CTNNA3: variants seen among roughly 807,000 people sequenced by gnomAD.
The protein encoded by CTNNA3 is catenin alpha 3, also known as catenin alpha-3.
CTNNA3 carries 76 observed loss-of-function variants against 95.7 expected under a neutral mutation model. The observed-to-expected ratio is 0.79, with a 90% CI of 0.66 to 0.96. CTNNA3 has a LOEUF of 0.96. Among genes scored for constraint, CTNNA3 ranks in the 40% least tolerant of loss-of-function variants. The pLI is 0.00. For synonymous variants in CTNNA3, 431 were observed against 374.4 expected (o/e 1.15, Z -1.74); for missense variants, 1,191 against 1,089.8 (o/e 1.09, Z -1.31).
chr10:67,504,942 C>A (rs1839386515), intron 5 of CTNNA3, among the ~76,000 whole-genome samples: 1 of 152,086 alleles, frequency 6.6e-6, no homozygotes, highest in Non-Finnish European at 1.5e-5. Flanking sequence ...AAATAAATTC[C>A]CCCAGTTGTT....
intron 13 of CTNNA3, among the ~76,000 whole-genome samples, chr10:66,174,721 A>G (rs2131840498): frequency 6.6e-6 from 1 of 152,110 alleles, no homozygotes; most frequent in Non-Finnish European, 1.5e-5. Context: ...GTGTGCATAG[A>G]TTTTGGTAAA....
At chr10:66,710,907 C>T (rs1848270101) in intron 9 of CTNNA3, among the ~76,000 whole-genome samples, 1 of 151,936 alleles carries the variant, frequency 6.6e-6, no homozygotes, top group Admixed American at 6.6e-5. Flanking sequence ...AATAATACCA[C>T]CTCTTTATTC....
chr10:66,255,836 AG>A (rs1290390765), intron 13 of CTNNA3, among the ~76,000 whole-genome samples: 1 of 152,248 alleles, frequency 6.6e-6, no homozygotes. Context: ...GCGTTCATTT[AG>A]CCAGGAGCAC....
chr10:67,084,401 C>T (rs1299247434), intron 7 of CTNNA3, among the ~76,000 whole-genome samples: 1 of 151,966 alleles, frequency 6.6e-6, no homozygotes, highest in Non-Finnish European at 1.5e-5. Flanking sequence ...ACTATCACAA[C>T]ATCATGAATA....
chr10:66,709,412 G>T (rs1161721733), intron 9 of CTNNA3, among the ~76,000 whole-genome samples: 2 of 152,028 alleles, frequency 1.3e-5, no homozygotes, highest in Non-Finnish European at 2.9e-5. Context: ...CTCAGCAAAT[G>T]TCAGATGAAA....
chr10:67,348,442 G>T (rs1269289022), intron 5 of CTNNA3, among the ~76,000 whole-genome samples: 1 of 152,106 alleles, frequency 6.6e-6, no homozygotes, highest in Non-Finnish European at 1.5e-5. Context: ...CTGAGACAGG[G>T]TAATTTATAA....
In CTNNA3 at chr10:66,360,613, T is replaced by A. The variant is rs1392210645; in HGVS notation, c.1732+18539A>T. ...ATTCTTTCCTTCTTTCTTTCTTTCT[T>A]TCTTTCTTTCTTTCTTTCTTTCTTT... On this transcript the variant is annotated intron_variant, in intron 12 of 17. Transcript: ENST00000433211. 1.2e-4 allele frequency among the ~76,000 whole-genome samples: 3 copies of A among 25,998 alleles called. No homozygotes were observed. The East Asian group carries it at 7.3e-3, about 63-fold the overall frequency. 17.1% of individuals were successfully genotyped at this position (25,998 alleles called of 152,430 possible).
At chr10:67,284,586 A>T (rs1007579436) in intron 5 of CTNNA3, among the ~76,000 whole-genome samples, 1 of 152,206 alleles carries the variant, frequency 6.6e-6, no homozygotes, top group African/African-American at 2.4e-5. Flanking sequence ...GGAGAAATTT[A>T]ATTGAACAAA....
intron 9 of CTNNA3, among the ~76,000 whole-genome samples, chr10:66,735,456 G>T (rs1270621718): frequency 6.6e-6 from 1 of 151,754 alleles, no homozygotes; most frequent in African/African-American, 2.4e-5. Flanking sequence ...CAGAAAAATG[G>T]CTTCTGAGAC....
intron 7 of CTNNA3, among the ~76,000 whole-genome samples, chr10:66,942,548 G>GTCTCTCTC (rs67598003): frequency 7.0e-4 from 104 of 148,126 alleles, no homozygotes; most frequent in Middle Eastern, 3.5e-3. Context: ...TTGCCATAAT[G>GTCTCTCTC]TCTCTCTCTC....
At chr10:66,620,701 A>C (rs1589509275) in intron 10 of CTNNA3, among the ~76,000 whole-genome samples, 2 of 152,256 alleles carry the variant, frequency 1.3e-5, no homozygotes, top group South Asian at 2.1e-4. Context: ...GGTCCTCTAG[A>C]TCCCACTTTT....
rs776918168 is a variant in CTNNA3 at position 67,555,362 on chromosome 10, G to A, written c.293-15693C>T. On this transcript the variant is annotated intron_variant, in intron 3 of 17. Transcript: ENST00000433211. ...CCTTGGGCAGTATGGCCATTTTCAC[G>A]ATATTGATTCTTCCTATCCATGAGC... 1.4e-4 allele frequency among the ~76,000 whole-genome samples: 21 copies of A among 152,212 alleles called. No individual in the cohort carries two copies. The East Asian group carries it at 2.3e-3, about 17-fold the overall frequency.
intron 5 of CTNNA3, among the ~76,000 whole-genome samples, chr10:67,492,659 G>A (rs1352212908): frequency 6.6e-6 from 1 of 152,216 alleles, no homozygotes; most frequent in African/African-American, 2.4e-5. Context: ...TCCACTGTAA[G>A]GAAGTGATAC....
chr10:67,424,845 T>G (rs995643935), intron 5 of CTNNA3, among the ~76,000 whole-genome samples: 1 of 152,158 alleles, frequency 6.6e-6, no homozygotes, highest in East Asian at 1.9e-4. Context: ...TGGTCCATAG[T>G]TGGTGCTCAA....
At chr10:66,878,307 C>T (rs1338607505) in intron 7 of CTNNA3, among the ~76,000 whole-genome samples, 1 of 152,080 alleles carries the variant, frequency 6.6e-6, no homozygotes, top group East Asian at 1.9e-4. Flanking sequence ...CCTCAACCCC[C>T]ACTATTTGCA....
intron 11 of CTNNA3, among the ~76,000 whole-genome samples, chr10:66,429,596 A>T (rs2093276377): frequency 6.6e-6 from 1 of 152,256 alleles, no homozygotes; most frequent in South Asian, 2.1e-4. Flanking sequence ...GGCTGGTTCA[A>T]CATACACAAA....
intron 9 of CTNNA3, among the ~76,000 whole-genome samples, chr10:66,714,477 T>A (rs1283864640): frequency 6.6e-6 from 1 of 152,134 alleles, no homozygotes; most frequent in African/African-American, 2.4e-5. Context: ...AAACTCTTAT[T>A]TAGACCCTTC....
At chr10:66,168,662 T>C (rs1445910825) in intron 13 of CTNNA3, among the ~76,000 whole-genome samples, 1 of 152,192 alleles carries the variant, frequency 6.6e-6, no homozygotes, top group African/African-American at 2.4e-5. Flanking sequence ...ACAACAGCTA[T>C]CCAATTACTG....
chr10:67,585,126 AC>A (rs1564762153), intron 3 of CTNNA3, among the ~76,000 whole-genome samples: 3 of 152,034 alleles, frequency 2.0e-5, no homozygotes, highest in Non-Finnish European at 2.9e-5. Flanking sequence ...TGCAGAAATC[AC>A]CCATCTTCTG....
Sources: gnomAD v4.1 joint callset for allele counts (sites outside exome capture counted in the v4.1 genomes callset) on GRCh38, gnomAD v4.1.1 for gene constraint, MANE v1.5 for transcripts, NCBI Gene and HGNC (gene_info 2026-07-23, HGNC 2026-07-21) for gene names.